The following LDHB variants were observed in gnomAD, a reference collection of about 807,000 sequenced individuals.
LDHB encodes lactate dehydrogenase B.
LDHB carries 18 observed loss-of-function variants against 33.4 expected under a neutral mutation model. The observed-to-expected ratio is 0.54, with a 90% CI of 0.37 to 0.80. The LOEUF (loss-of-function observed/expected upper bound fraction) is 0.80, where lower values mean the gene tolerates loss of function less well. LDHB is among the 30% of genes least tolerant of loss of function. The pLI, the probability that LDHB is intolerant of heterozygous loss-of-function variation, is 0.00. For synonymous variants in LDHB, 121 were observed against 140.6 expected (o/e 0.86, Z 0.98); for missense variants, 345 against 407.9 (o/e 0.85, Z 1.33).
Position 21,643,930 on chromosome 12 carries a change from A to C in LDHB, c.421+5T>G. 1 of 1,594,448 alleles carries C rather than the reference A, an allele frequency of 6.3e-7. No homozygotes were observed. Among genetic ancestry groups the C allele is most frequent in the Non-Finnish European group, 8.6e-7 (1 of 1,162,116 alleles). The stretch of plus-strand genomic sequence containing the variant: ...AGAACAGAGACTTAAAGTATACAAT[A>C]ATACCTGGGTTGGAAACCACAATTA... On this transcript the variant is annotated splice_donor_5th_base_variant and intron_variant, in intron 4 of 7. Transcript: ENST00000350669.
At chr12:21,636,954 T>TA (rs1165428727) in intron 7 of LDHB, 117 bp downstream of exon 7, 10 of 931,240 alleles carry the variant, frequency 1.1e-5, no homozygotes, top group Middle Eastern at 3.3e-4. Context: ...CATAAAACTT[T>TA]GAGAGACAGA....
chr12:21,638,212 G>T, intron 6 of LDHB, 141 bp downstream of exon 6: 1 of 644,366 alleles, frequency 1.6e-6, no homozygotes, highest in African/African-American at 1.8e-5. Flanking sequence ...CAGTGTAAAA[G>T]TCTTATCAGT....
intron 2 of LDHB, among the ~76,000 whole-genome samples, chr12:21,652,117 G>A (rs1257466127): frequency 6.7e-6 from 1 of 148,550 alleles, no homozygotes; most frequent in Non-Finnish European, 1.5e-5. Context: ...TTACATCATA[G>A]AGGTACTTCT....
At chr12:21,635,776 G>A in intron 7 of LDHB, 67 bp from the exon 8 acceptor site, 2 of 1,434,508 alleles carry the variant, frequency 1.4e-6, no homozygotes, top group Non-Finnish European at 1.9e-6. Context: ...AAAGACAGGA[G>A]GCTGAGGTGG....
chr12:21,635,654 G>C lies in LDHB; in HGVS notation c.893C>G (p.Ala298Gly), dbSNP rs562118168. 4.3e-6 allele frequency: 7 copies of C among 1,613,524 alleles called. No homozygotes were observed. In the South Asian group the frequency reaches 7.7e-5, roughly 18 times the overall value. ...GTTGATAACGCTGGTTAATCCCCGG[G>C]CATTGAGGATACATGGAAGGCTCAG... ...VFLSLPCILN[A>G]RGLTSVINQK... Residue 298 changes from alanine (A) to glycine (G), a missense_variant, in exon 8 of 8, where the codon GCC becomes GGC. Ala to Gly is a moderately conservative substitution (Grantham distance 60). Transcript: ENST00000350669.
chr12:21,641,935 CT>C lies in LDHB; in HGVS notation c.595+16del, dbSNP rs79867159. 783 of 1,269,190 alleles carry C rather than the reference CT, an allele frequency of 6.2e-4. No individual in the cohort carries two copies. The highest frequency in any genetic ancestry group is 2.0e-3 in the Admixed American group (100 of 49,846). 78.6% of individuals were successfully genotyped at this position (1,269,190 alleles called of 1,614,324 possible). A position where few individuals can be genotyped will look rare whatever the true frequency, so the allele number is the denominator to read the frequency against. On this transcript the variant is annotated intron_variant, in intron 5 of 7. Coordinates refer to ENST00000350669, the MANE Select transcript of LDHB (RefSeq NM_002300.8). Reference sequence around the variant, plus strand: ...AAACCAACATCACAAGTAATTATTTCTTTTTTTTTTCTTTACCACTTGAGTC... The same window carrying C: ...AAACCAACATCACAAGTAATTATTTCTTTTTTTTTCTTTACCACTTGAGTC...
intron 2 of LDHB, among the ~76,000 whole-genome samples, chr12:21,650,127 C>T (rs1377429720): frequency 2.7e-5 from 4 of 147,450 alleles, no homozygotes; most frequent in African/African-American, 7.7e-5. Context: ...CACACACACA[C>T]ACACACACAC....
intron 6 of LDHB, among the ~76,000 whole-genome samples, chr12:21,637,833 A>C (rs1433977397): frequency 2.0e-5 from 3 of 151,986 alleles, no homozygotes; most frequent in Non-Finnish European, 4.4e-5. Flanking sequence ...GGTATATGTT[A>C]ATTGAAATTA....
chr12:21,648,536 G>GA (rs1169443122), intron 2 of LDHB, among the ~76,000 whole-genome samples: 1 of 530 alleles, frequency 1.9e-3, no homozygotes, highest in Admixed American at 0.083. Context: ...GGGTATTAAT[G>GA]GGGGGGAGGG....
At chr12:21,641,642 G>A (rs1456277427) in intron 5 of LDHB, among the ~76,000 whole-genome samples, 1 of 152,084 alleles carries the variant, frequency 6.6e-6, no homozygotes, top group East Asian at 1.9e-4. Flanking sequence ...TCCTGATTTT[G>A]GGAAGTGTAC....
chr12:21,653,545 G>A (rs1441726543), intron 2 of LDHB, among the ~76,000 whole-genome samples: 1 of 152,078 alleles, frequency 6.6e-6, no homozygotes, highest in Middle Eastern at 3.2e-3. Flanking sequence ...ATTCTCAAAT[G>A]GTTCCAGCCA....
chr12:21,655,393 GAATA>G (rs772397416), intron 1 of LDHB, among the ~76,000 whole-genome samples: 1 of 152,150 alleles, frequency 6.6e-6, no homozygotes, highest in Non-Finnish European at 1.5e-5. Context: ...TGGATAAAAA[GAATA>G]AATGGCCAAT....
At chr12:21,638,318 A>G (rs775307543) in intron 6 of LDHB, 35 bp downstream of exon 6, 21 of 1,091,284 alleles carry the variant, frequency 1.9e-5, no homozygotes, top group Non-Finnish European at 3.0e-5. Context: ...TAGAGTTGAA[A>G]TTAATCATCT....
chr12:21,645,123 A>C (rs1403948885), intron 3 of LDHB, among the ~76,000 whole-genome samples: 8 of 152,150 alleles, frequency 5.3e-5, no homozygotes, highest in Admixed American at 5.2e-4. Context: ...TCAGGGTTAA[A>C]TGGATTAAGG....
At chr12:21,636,044 CA>C (rs1938206948) in intron 7 of LDHB, among the ~76,000 whole-genome samples, 1 of 152,058 alleles carries the variant, frequency 6.6e-6, no homozygotes, top group African/African-American at 2.4e-5. Context: ...ATAGAATATG[CA>C]AACATACACT....
At chr12:21,647,186 A>C (rs1489773582) in intron 2 of LDHB, among the ~76,000 whole-genome samples, 170 bp from the exon 3 acceptor site, 2 of 152,250 alleles carry the variant, frequency 1.3e-5, no homozygotes, top group African/African-American at 4.8e-5. Flanking sequence ...ACATGATACA[A>C]ACTATACTTT....
At chr12:21,655,452 T>C (rs1368668697) in intron 1 of LDHB, among the ~76,000 whole-genome samples, 1 of 152,246 alleles carries the variant, frequency 6.6e-6, no homozygotes, top group Non-Finnish European at 1.5e-5. Context: ...TCTTGGAAGA[T>C]AGGGACTGAT....
chr12:21,641,432 AATGTCAAGATC>A (rs570189336), intron 5 of LDHB, among the ~76,000 whole-genome samples: 22 of 152,198 alleles, frequency 1.4e-4, no homozygotes, highest in Admixed American at 2.6e-4. Flanking sequence ...ACTTTTCAAA[AATGTCAAGATC>A]ATGAGAAACA....
intron 2 of LDHB, among the ~76,000 whole-genome samples, chr12:21,649,505 T>G (rs1224241523): frequency 6.6e-6 from 1 of 152,188 alleles, no homozygotes; most frequent in Non-Finnish European, 1.5e-5. Context: ...GTAAGCATGT[T>G]TAAAATGTTT....
Sources: gnomAD v4.1 joint callset for allele counts (sites outside exome capture counted in the v4.1 genomes callset) on GRCh38, gnomAD v4.1.1 for gene constraint, MANE v1.5 for transcripts, NCBI Gene and HGNC (gene_info 2026-07-23, HGNC 2026-07-21) for gene names.